MAPKAP1: variants seen among roughly 807,000 people sequenced by gnomAD.
MAPKAP1 encodes the protein target of rapamycin complex 2 subunit MAPKAP1.
A neutral mutation model predicts 65.7 loss-of-function variants in MAPKAP1; 20 were observed. The observed-to-expected ratio is 0.30, with a 90% CI of 0.21 to 0.44. The LOEUF is 0.44. MAPKAP1 is among the 20% of genes least tolerant of loss of function. The pLI is 1.00. For synonymous variants in MAPKAP1, 222 were observed against 244.3 expected (o/e 0.91, Z 0.85); for missense variants, 423 against 648.0 (o/e 0.65, Z 3.77).
chr9:125,693,836 T>TACACACAC (rs375290028), intron 1 of MAPKAP1, among the ~76,000 whole-genome samples: 5,862 of 119,414 alleles, frequency 0.049, 254 homozygotes, highest in Non-Finnish European at 0.066. Context: ...CACACATATA[T>TACACACAC]ATACACACAT....
chr9:125,623,239 G>A (rs1255060987), intron 4 of MAPKAP1, among the ~76,000 whole-genome samples: 1 of 125,992 alleles, frequency 7.9e-6, no homozygotes, highest in African/African-American at 2.9e-5. Context: ...AGTGAGGAGT[G>A]TCTCTGCCTG....
chr9:125,544,973 C>T (rs557063686), intron 6 of MAPKAP1, among the ~76,000 whole-genome samples: 6 of 152,326 alleles, frequency 3.9e-5, no homozygotes, highest in African/African-American at 1.2e-4. Flanking sequence ...CCTCTCCATA[C>T]GGCTTGCTGT....
chr9:125,665,846 T>G (rs1452347561), intron 3 of MAPKAP1, among the ~76,000 whole-genome samples: 1 of 152,228 alleles, frequency 6.6e-6, no homozygotes, highest in East Asian at 1.9e-4. Context: ...CAGGTACATG[T>G]AAATAATTGA....
chr9:125,496,555 C>T (rs1468822658), intron 8 of MAPKAP1, among the ~76,000 whole-genome samples: 2 of 152,204 alleles, frequency 1.3e-5, no homozygotes, highest in Non-Finnish European at 2.9e-5. Context: ...TAATTTGTAA[C>T]TGAAGGAGGC....
intron 6 of MAPKAP1, among the ~76,000 whole-genome samples, chr9:125,555,456 T>G: frequency 6.6e-6 from 1 of 152,370 alleles, no homozygotes; most frequent in South Asian, 2.1e-4. Flanking sequence ...CTGCCGCACT[T>G]AGAGGGAAAG....
intron 4 of MAPKAP1, among the ~76,000 whole-genome samples, chr9:125,624,985 T>C: frequency 1.3e-5 from 1 of 76,792 alleles, no homozygotes. Context: ...CCACTCAGAG[T>C]TAAATGGATT....
Position 125,707,024 on chromosome 9 carries a change from G to A in MAPKAP1, c.-123C>T, listed in dbSNP as rs1835784792. 5.0e-6 allele frequency: 2 copies of A among 397,448 alleles called. No homozygotes were observed. The highest frequency in any genetic ancestry group is 2.1e-5 in the African/African-American group (1 of 48,702). 24.6% of individuals were successfully genotyped at this position (397,448 alleles called of 1,614,324 possible). On this transcript the variant is annotated 5_prime_UTR_variant, in exon 1 of 12. Transcript: ENST00000265960. ...GTCGGCCCCGGGACACGTTCCTGAGGGGAGGGCCCGGCTCCCCCACGCCTC... is the reference window on the plus strand; with the variant it reads ...GTCGGCCCCGGGACACGTTCCTGAGAGGAGGGCCCGGCTCCCCCACGCCTC...
At position 125,447,505 on chromosome 9, in the gene MAPKAP1, G is replaced by A. The variant is rs1276006468; in HGVS notation, c.1346-2907C>T. ...GCGGAACCCTGGGGGGCAAGGGCAG[G>A]TTAAGATCAGCAGCCATGCTGGGCC... On this transcript the variant is annotated intron_variant, in intron 10 of 11. Transcript: ENST00000265960. This position sits in a 1 kb window ranked among gnomAD's most constrained non-coding sequence, Gnocchi z 4.5. The A allele has an allele frequency of 8.8e-6, 4 of 456,384 alleles. No individual in the cohort carries two copies. The Admixed American group carries it at 9.4e-5, about 11-fold the overall frequency. The allele number at this position is 456,384 out of a possible 1,614,324, so 28.3% of individuals were successfully genotyped here.
chr9:125,458,217 CTT>C (rs35230535), intron 10 of MAPKAP1, among the ~76,000 whole-genome samples: 15,124 of 133,648 alleles, frequency 0.11, 867 homozygotes, highest in Non-Finnish European at 0.14. Flanking sequence ...CATATGGAGT[CTT>C]TTTTTTTTTT....
At chr9:125,660,262 G>A (rs1455583835) in intron 3 of MAPKAP1, among the ~76,000 whole-genome samples, 1 of 152,174 alleles carries the variant, frequency 6.6e-6, no homozygotes, top group African/African-American at 2.4e-5. Context: ...AACAATGCTT[G>A]CCTCTGGGGA....
chr9:125,574,990 T>C (rs1338510410), intron 5 of MAPKAP1, among the ~76,000 whole-genome samples: 1 of 152,198 alleles, frequency 6.6e-6, no homozygotes, highest in Non-Finnish European at 1.5e-5. Context: ...AGCCACTATG[T>C]TATATTCTGA....
chr9:125,660,141 C>A (rs940674030), intron 3 of MAPKAP1, among the ~76,000 whole-genome samples: 1 of 152,162 alleles, frequency 6.6e-6, no homozygotes, highest in African/African-American at 2.4e-5. Context: ...CAAGGCACAG[C>A]ACTTGGACCT....
At chr9:125,565,042 A>G (rs957162438) in intron 5 of MAPKAP1, among the ~76,000 whole-genome samples, 1 of 152,178 alleles carries the variant, frequency 6.6e-6, no homozygotes, top group African/African-American at 2.4e-5. Context: ...TGCAAAATAG[A>G]GCCTGCTGCC....
chr9:125,655,875 T>C (rs1422381488), intron 4 of MAPKAP1, among the ~76,000 whole-genome samples: 2 of 152,228 alleles, frequency 1.3e-5, no homozygotes, highest in African/African-American at 4.8e-5. Flanking sequence ...GCCTTCAGTG[T>C]AAACACACAT....
intron 10 of MAPKAP1, 63 bp from the exon 11 acceptor site, chr9:125,444,661 A>G (rs1047441641): frequency 8.9e-7 from 1 of 1,124,764 alleles, no homozygotes; most frequent in African/African-American, 1.5e-5. Context: ...GGGCCTCCAT[A>G]TGTTCTCCCC....
intron 1 of MAPKAP1, among the ~76,000 whole-genome samples, chr9:125,698,098 G>A (rs1835438346): frequency 6.6e-6 from 1 of 151,120 alleles, no homozygotes; most frequent in African/African-American, 2.4e-5. Context: ...AGTACTCTGA[G>A]TCAAAACAAA....
intron 10 of MAPKAP1, among the ~76,000 whole-genome samples, chr9:125,444,831 CA>C (rs1339468118): frequency 6.6e-6 from 1 of 152,268 alleles, no homozygotes. Context: ...GGAATGCATT[CA>C]GGGGAATGCC....
intron 8 of MAPKAP1, among the ~76,000 whole-genome samples, chr9:125,493,895 C>A (rs569586575): frequency 1.3e-5 from 2 of 152,360 alleles, no homozygotes; most frequent in Non-Finnish European, 2.9e-5. Flanking sequence ...GAGCTAGGAA[C>A]TGAACCCAGG....
At position 125,514,748 on chromosome 9, in the gene MAPKAP1, T is replaced by C. The variant is rs542956257; in HGVS notation, c.959-8331A>G. ...TCAGCTTTATATTTTGGTGAGATTC[T>C]TCTGGTGGCACTGCTGACAATGGGC... is the stretch of plus-strand genomic sequence containing the variant. On this transcript the variant is annotated intron_variant, in intron 7 of 11. Coordinates refer to ENST00000265960, the MANE Select transcript of MAPKAP1 (RefSeq NM_001006617.3). 1.6e-3 allele frequency among the ~76,000 whole-genome samples: 241 copies of C among 152,312 alleles called. 1 individual carries two copies. The highest frequency in any genetic ancestry group is 3.0e-3 in the Non-Finnish European group (203 of 68,032).
Sources: allele counts gnomAD v4.1 joint callset (sites outside exome capture counted in the v4.1 genomes callset), GRCh38; gene constraint gnomAD v4.1.1; non-coding constraint Gnocchi (gnomAD v3.1); transcripts MANE v1.5; gene names NCBI Gene and HGNC (gene_info 2026-07-23, HGNC 2026-07-21).